The following ADAP1 variants were observed in gnomAD, a reference collection of about 807,000 sequenced individuals.
ADAP1 encodes ArfGAP with dual PH domains 1.
Under a neutral mutation model 54.9 loss-of-function variants are expected in ADAP1, and 31 were observed. That is an observed-to-expected ratio of 0.56 (90% confidence interval 0.42 to 0.76). The LOEUF (loss-of-function observed/expected upper bound fraction) is 0.76, where lower values mean the gene tolerates loss of function less well. ADAP1 is among the 30% of genes least tolerant of loss of function. ADAP1 has a pLI of 0.00. For missense variants in ADAP1, 535 were observed against 512.4 expected, an observed-to-expected ratio of 1.04 and a Z score of -0.42; for synonymous variants, 313 against 202.6, an observed-to-expected ratio of 1.55 and a Z score of -4.63.
intron 4 of ADAP1, among the ~76,000 whole-genome samples, chr7:918,932 G>A (rs1421986542): frequency 6.7e-5 from 3 of 44,726 alleles, no homozygotes; most frequent in South Asian, 9.3e-4. Flanking sequence ...ACTGCTGGGG[G>A]GCAGAGTTGG....
Position 954,591 on chromosome 7 carries a change from G to A in ADAP1, c.-114C>T, listed in dbSNP as rs1847343711. On this transcript the variant is annotated 5_prime_UTR_variant, in exon 1 of 11. Coordinates refer to ENST00000265846, the MANE Select transcript of ADAP1 (RefSeq NM_006869.4). Reference sequence around the variant, plus strand: ...CCGCCGCCCCTGCGCCATCCCGGGCGGCCTCAGCCCGCGCGCCGGTTCCGC... The same window carrying A: ...CCGCCGCCCCTGCGCCATCCCGGGCAGCCTCAGCCCGCGCGCCGGTTCCGC... 2 of 985,020 alleles carry A rather than the reference G, an allele frequency of 2.0e-6. No individual in the cohort carries two copies. The highest frequency in any genetic ancestry group is 2.4e-6 in the Non-Finnish European group (2 of 831,076). The allele number at this position is 985,020 out of a possible 1,614,324, so 61.0% of individuals were successfully genotyped here. A position where few individuals can be genotyped will look rare whatever the true frequency, so the allele number is the denominator to read the frequency against.
Position 926,101 on chromosome 7 carries a change from A to G in ADAP1, c.305+452T>C, listed in dbSNP as rs536663689. On this transcript the variant is annotated intron_variant, in intron 3 of 10. Coordinates refer to ENST00000265846, the MANE Select transcript of ADAP1 (RefSeq NM_006869.4). The surrounding 1 kb of genome is among the most constrained non-coding windows in gnomAD (Gnocchi z 4.6). Reference sequence around the variant, plus strand: ...GCAGGCCTCATTCCCTCTCTCCACAACCTCCCGATCCCAGGATGCTCAGAG... The same window carrying G: ...GCAGGCCTCATTCCCTCTCTCCACAGCCTCCCGATCCCAGGATGCTCAGAG... 8.0e-5 allele frequency among the ~76,000 whole-genome samples: 12 copies of G among 150,860 alleles called. No homozygotes were observed. The highest frequency in any genetic ancestry group is 2.9e-4 in the African/African-American group (12 of 40,960).
Position 905,162 on chromosome 7 carries a change from C to T in ADAP1, c.399G>A (p.Glu133=), listed in dbSNP as rs922004498. 1.9e-6 allele frequency: 3 copies of T among 1,611,884 alleles called. No homozygotes were observed. The highest frequency in any genetic ancestry group is 2.2e-5 in the South Asian group (2 of 91,088). Residue 133 remains glutamate (E), a synonymous_variant, in exon 5 of 11, where the codon GAG becomes GAA. Transcript: ENST00000265846. ...KQEPYSAGYR[E]GFLWKRGRDN... ...CCCGGCCACGCTTCCAGAGAAAACC[C>T]TCACGGTACCCTGTGGGGGAAAGGG...
intron 4 of ADAP1, among the ~76,000 whole-genome samples, chr7:913,144 T>G (rs1845790075): frequency 6.6e-6 from 1 of 151,558 alleles, no homozygotes; most frequent in Admixed American, 6.6e-5. Context: ...GTGCCCGGCC[T>G]TCTTTTGTAT....
rs1412311338 is a variant in ADAP1, at chr7:920,905, T to C, written c.306-855A>G. 5 of 1,544,306 alleles carry C rather than the reference T, an allele frequency of 3.2e-6. No homozygotes were observed. Among genetic ancestry groups the C allele is most frequent in the Middle Eastern group, 1.7e-4 (1 of 5,976 alleles). ...AGGGAATTACGCGGCAAAGAACAAA[T>C]AGGAACCCTGTGGCTTCCTGCTGGG... On this transcript the variant is annotated intron_variant, in intron 3 of 10. Transcript: ENST00000265846. The surrounding 1 kb of genome is among the most constrained non-coding windows in gnomAD (Gnocchi z 4.5).
intron 4 of ADAP1, among the ~76,000 whole-genome samples, chr7:912,044 T>C (rs1266474818): frequency 6.6e-6 from 1 of 152,104 alleles, no homozygotes; most frequent in East Asian, 1.9e-4. Flanking sequence ...TCGTCCCCAC[T>C]ATATGGACGG....
At chr7:935,288 C>T in intron 2 of ADAP1, 87 bp downstream of exon 2, 1 of 1,505,304 alleles carries the variant, frequency 6.6e-7, no homozygotes, top group African/African-American at 1.4e-5. Flanking sequence ...GGGCCACAGC[C>T]AGGCCGCCCG....
At chr7:900,655 C>G (rs754557797) in intron 6 of ADAP1, 39 bp from the exon 7 acceptor site, 3 of 1,561,812 alleles carry the variant, frequency 1.9e-6, no homozygotes, top group East Asian at 2.3e-5. Context: ...GCTGAGGAGG[C>G]TGCAGCGCTG....
chr7:918,270 G>A (rs1051578588), intron 4 of ADAP1, among the ~76,000 whole-genome samples: 6 of 152,204 alleles, frequency 3.9e-5, no homozygotes, highest in Non-Finnish European at 7.3e-5. Context: ...GGCCTGGAGT[G>A]CAGTGGTGCA....
intron 1 of ADAP1, among the ~76,000 whole-genome samples, chr7:940,395 A>G (rs1846912520): frequency 6.6e-6 from 1 of 151,942 alleles, no homozygotes; most frequent in South Asian, 2.1e-4. Flanking sequence ...ATGACCTTTT[A>G]CATAAGAATC....
chr7:911,952 C>T (rs1845741767), intron 4 of ADAP1, among the ~76,000 whole-genome samples: 1 of 152,172 alleles, frequency 6.6e-6, no homozygotes, highest in Admixed American at 6.5e-5. Context: ...ACACCCGTCC[C>T]CTCATGGGCC....
chr7:951,476 C>T (rs190459048), intron 1 of ADAP1, among the ~76,000 whole-genome samples: 107 of 152,272 alleles, frequency 7.0e-4, no homozygotes, highest in African/African-American at 2.4e-3. Flanking sequence ...CCCACCCTCA[C>T]CCATGCCGGC....
At chr7:954,001 G>C (rs1049726755) in intron 1 of ADAP1, among the ~76,000 whole-genome samples, 1 of 152,224 alleles carries the variant, frequency 6.6e-6, no homozygotes, top group African/African-American at 2.4e-5. Context: ...CCACAGCCCA[G>C]CAGAGACCTC....
intron 5 of ADAP1, 25 bp downstream of exon 5, chr7:905,035 C>T (rs761939035): frequency 1.1e-5 from 18 of 1,594,284 alleles, no homozygotes; most frequent in Non-Finnish European, 1.5e-5. Flanking sequence ...GACAGGCCCC[C>T]ACCCCACCCC....
intron 1 of ADAP1, among the ~76,000 whole-genome samples, chr7:949,962 T>C (rs1847228442): frequency 6.6e-6 from 1 of 152,204 alleles, no homozygotes; most frequent in Non-Finnish European, 1.5e-5. Context: ...CCAAACAACC[T>C]GAAGCAGGGT....
intron 2 of ADAP1, among the ~76,000 whole-genome samples, chr7:929,403 G>A (rs962387249): frequency 6.6e-6 from 1 of 151,492 alleles, no homozygotes; most frequent in Non-Finnish European, 1.5e-5. Context: ...CGAATCGGCC[G>A]CACGTGGTGG....
intron 4 of ADAP1, among the ~76,000 whole-genome samples, chr7:908,423 G>T (rs959274125): frequency 6.6e-6 from 1 of 152,172 alleles, no homozygotes; most frequent in Non-Finnish European, 1.5e-5. Flanking sequence ...GGTGCCAGAC[G>T]GGGCCTGCTC....
chr7:927,124 A>G lies in ADAP1; in HGVS notation c.214-480T>C, dbSNP rs367856886. On this transcript the variant is annotated intron_variant, in intron 2 of 10. Coordinates refer to ENST00000265846, the MANE Select transcript of ADAP1 (RefSeq NM_006869.4). ...ATGGGCTGGTGAGCGAGAGACCCAG[A>G]TGTGGCTAGGACAGAGTCTCTGAGG... 7.7e-6 allele frequency: 10 copies of G among 1,303,860 alleles called. No homozygotes were observed. In the African/African-American group the frequency reaches 1.4e-4, roughly 18 times the overall value. The allele number at this position is 1,303,860 out of a possible 1,614,324, so 80.8% of individuals were successfully genotyped here.
chr7:912,152 G>T (rs1299720843), intron 4 of ADAP1, among the ~76,000 whole-genome samples: 1 of 152,142 alleles, frequency 6.6e-6, no homozygotes, highest in East Asian at 1.9e-4. Context: ...ATCCCTGCCT[G>T]GTACCACCAG....
Sources: allele counts gnomAD v4.1 joint callset (sites outside exome capture counted in the v4.1 genomes callset), GRCh38; gene constraint gnomAD v4.1.1; non-coding constraint Gnocchi (gnomAD v3.1); transcripts MANE v1.5; gene names NCBI Gene and HGNC (gene_info 2026-07-23, HGNC 2026-07-21).